Variants in NCK2 observed in about 807,000 individuals in gnomAD.
NCK2 encodes the protein cytoplasmic protein NCK2.
NCK2 carries 16 observed loss-of-function variants against 33.9 expected under a neutral mutation model. That is an observed-to-expected ratio of 0.47 (90% CI 0.32 to 0.72). The LOEUF is 0.72. Ranked by LOEUF, NCK2 falls within the 30% of genes least tolerant of loss-of-function variation. The pLI, the probability that NCK2 is intolerant of heterozygous loss-of-function variation, is 0.03. For missense variants in NCK2, 418 were observed against 537.3 expected (o/e 0.78, Z 2.19); for synonymous variants, 273 against 239.9 (o/e 1.14, Z -1.27).
chr2:105,893,714 C>A lies in NCK2; in HGVS notation c.*538C>A, dbSNP rs1679094375. 3 of 126,082 alleles carry A rather than the reference C, an allele frequency of 2.4e-5. No homozygotes were observed. Among genetic ancestry groups the A allele is most frequent in the South Asian group, 5.9e-4 (2 of 3,364 alleles). 7.8% of individuals were successfully genotyped at this position (126,082 alleles called of 1,614,324 possible). A position where few individuals can be genotyped will look rare whatever the true frequency, so the allele number is the denominator to read the frequency against. On this transcript the variant is annotated 3_prime_UTR_variant, in exon 5 of 5. Transcript: ENST00000233154. The stretch of plus-strand genomic sequence containing the variant: ...ATGGCAGTGAGGAGACTGCCCAGTG[C>A]CTTTGGGGCTGTGCTTGCAATAAAG...
chr2:105,865,703 C>T (rs903528264), intron 3 of NCK2, among the ~76,000 whole-genome samples: 1 of 152,106 alleles, frequency 6.6e-6, no homozygotes, highest in Non-Finnish European at 1.5e-5. Flanking sequence ...TACTCCTTTT[C>T]CGTAATTGAG....
intron 1 of NCK2, among the ~76,000 whole-genome samples, chr2:105,749,855 C>T (rs909133763): frequency 6.6e-6 from 1 of 152,020 alleles, no homozygotes; most frequent in Non-Finnish European, 1.5e-5. Flanking sequence ...TAGTCAGCTC[C>T]AGCTGCCTTA....
intron 2 of NCK2, among the ~76,000 whole-genome samples, chr2:105,834,614 C>G (rs1676319551): frequency 6.7e-6 from 1 of 150,036 alleles, no homozygotes; most frequent in African/African-American, 2.5e-5. Flanking sequence ...CAGTCTATAT[C>G]TTTTAATTGG....
chr2:105,781,850 C>CATTAGGCATTTGCTG (rs993852727), intron 1 of NCK2, among the ~76,000 whole-genome samples: 1 of 152,208 alleles, frequency 6.6e-6, no homozygotes, highest in African/African-American at 2.4e-5. Context: ...TAGTGATGCT[C>CATTAGGCATTTGCTG]ATTAGGCATT....
At chr2:105,865,116 A>C (rs1677695632) in intron 3 of NCK2, among the ~76,000 whole-genome samples, 2 of 152,150 alleles carry the variant, frequency 1.3e-5, no homozygotes, top group South Asian at 4.1e-4. Flanking sequence ...CCTGAAGCCA[A>C]ACAGAAAGCT....
chr2:105,820,368 A>G (rs1675679057), intron 2 of NCK2, among the ~76,000 whole-genome samples: 1 of 152,214 alleles, frequency 6.6e-6, no homozygotes, highest in African/African-American at 2.4e-5. Context: ...AGTAAGCGGG[A>G]TGTCAGCCTT....
chr2:105,784,971 G>GTTTTGT (rs1051721146), intron 1 of NCK2, among the ~76,000 whole-genome samples: 7 of 152,082 alleles, frequency 4.6e-5, no homozygotes, highest in Non-Finnish European at 7.4e-5. Context: ...TTTCGTTTTT[G>GTTTTGT]TTTTGTTTTT....
At chr2:105,768,998 G>A (rs969889989) in intron 1 of NCK2, among the ~76,000 whole-genome samples, 59 of 152,108 alleles carry the variant, frequency 3.9e-4, no homozygotes, top group African/African-American at 1.3e-3. Context: ...TGTAGGGGGT[G>A]CAGAAAGTTC....
At chr2:105,795,238 A>G (rs978275673) in intron 1 of NCK2, among the ~76,000 whole-genome samples, 2 of 152,242 alleles carry the variant, frequency 1.3e-5, no homozygotes, top group Non-Finnish European at 2.9e-5. Flanking sequence ...GGACAAATGT[A>G]TAATAATAAT....
At chr2:105,856,358 G>A (rs1677271911) in intron 3 of NCK2, among the ~76,000 whole-genome samples, 1 of 152,148 alleles carries the variant, frequency 6.6e-6, no homozygotes, top group Admixed American at 6.5e-5. Flanking sequence ...TGAGTATAAT[G>A]TTGTCTGTAT....
chr2:105,796,373 T>C (rs928137403), intron 1 of NCK2, among the ~76,000 whole-genome samples: 2 of 152,238 alleles, frequency 1.3e-5, no homozygotes, highest in African/African-American at 4.8e-5. Flanking sequence ...TGCCTCACTT[T>C]AGGATCTTAA....
At chr2:105,809,969 G>A (rs1212886297) in intron 1 of NCK2, among the ~76,000 whole-genome samples, 2 of 152,112 alleles carry the variant, frequency 1.3e-5, no homozygotes, top group Non-Finnish European at 2.9e-5. Flanking sequence ...TGTTAGTAGT[G>A]GAGGGCTGTG....
intron 4 of NCK2, among the ~76,000 whole-genome samples, chr2:105,889,149 G>A (rs6753494): frequency 0.22 from 33,431 of 152,160 alleles, 4,129 homozygotes; most frequent in Admixed American, 0.33. Context: ...GTTTTGGGTC[G>A]GGAGTAACTC....
At chr2:105,766,383 C>T (rs929245239) in intron 1 of NCK2, among the ~76,000 whole-genome samples, 1 of 152,128 alleles carries the variant, frequency 6.6e-6, no homozygotes, top group African/African-American at 2.4e-5. Context: ...GAGTGCAGTG[C>T]CGCCATCATG....
At chr2:105,749,798 A>G (rs989818315) in intron 1 of NCK2, among the ~76,000 whole-genome samples, 2 of 152,076 alleles carry the variant, frequency 1.3e-5, no homozygotes, top group Non-Finnish European at 2.9e-5. Context: ...GTTACCCTGG[A>G]AAGCCTCCTC....
At chr2:105,806,454 G>T (rs1675045901) in intron 1 of NCK2, among the ~76,000 whole-genome samples, 1 of 151,974 alleles carries the variant, frequency 6.6e-6, no homozygotes, top group Admixed American at 6.5e-5. Context: ...ACCCAGGATG[G>T]TCTCGATCTC....
At chr2:105,803,165 T>G (rs10496403) in intron 1 of NCK2, among the ~76,000 whole-genome samples, 33,394 of 152,070 alleles carry the variant, frequency 0.22, 3,982 homozygotes, top group South Asian at 0.33. Flanking sequence ...ACAAATTAGT[T>G]TTTATCTAAG....
intron 1 of NCK2, among the ~76,000 whole-genome samples, chr2:105,812,207 G>A (rs1367707770): frequency 6.6e-6 from 1 of 152,156 alleles, no homozygotes; most frequent in African/African-American, 2.4e-5. Flanking sequence ...AGCTGCTTCA[G>A]CTGTTTCTAA....
intron 1 of NCK2, among the ~76,000 whole-genome samples, chr2:105,813,553 C>T (rs911362048): frequency 2.6e-5 from 4 of 152,222 alleles, no homozygotes; most frequent in Non-Finnish European, 5.9e-5. Flanking sequence ...AGCCCAGGTG[C>T]AGCAGAAGAC....
Sources: allele counts gnomAD v4.1 joint callset (sites outside exome capture counted in the v4.1 genomes callset), GRCh38; gene constraint gnomAD v4.1.1; transcripts MANE v1.5; gene names NCBI Gene and HGNC (gene_info 2026-07-23, HGNC 2026-07-21).